Variants in IQGAP2 observed in about 807,000 individuals in gnomAD.
The protein encoded by IQGAP2 is IQ motif containing GTPase activating protein 2, also known as ras GTPase-activating-like protein IQGAP2.
Under a neutral mutation model 201.3 loss-of-function variants are expected in IQGAP2, and 173 were observed. That is an observed-to-expected ratio of 0.86 (90% CI 0.76 to 0.98). IQGAP2 has a LOEUF of 0.98. Among genes scored for constraint, IQGAP2 ranks in the 50% least tolerant of loss-of-function variants. The pLI, the probability that IQGAP2 is intolerant of heterozygous loss-of-function variation, is 0.00. For synonymous variants in IQGAP2, 675 were observed against 673.9 expected (o/e 1.00, Z -0.03); for missense variants, 1,687 against 1,864.8 (o/e 0.90, Z 1.76).
chr5:76,567,407 C>T (rs186711763), intron 3 of IQGAP2, among the ~76,000 whole-genome samples: 112 of 152,306 alleles, frequency 7.4e-4, no homozygotes, highest in Admixed American at 1.2e-3. Flanking sequence ...ACTCGAAACG[C>T]TTCTAATGCC....
chr5:76,640,891 G>A (rs1172147561), intron 16 of IQGAP2, 42 bp from the exon 17 acceptor site: 2 of 1,410,232 alleles, frequency 1.4e-6, no homozygotes, highest in South Asian at 1.4e-5. Context: ...GTGCCTTTCA[G>A]CTGATGTGTG....
At chr5:76,645,264 G>A (rs1751945157) in intron 17 of IQGAP2, among the ~76,000 whole-genome samples, 1 of 152,038 alleles carries the variant, frequency 6.6e-6, no homozygotes, top group Non-Finnish European at 1.5e-5. Flanking sequence ...GGGCATTTGA[G>A]TTGGTTCCAA....
At chr5:76,551,274 C>T (rs1299612790) in intron 2 of IQGAP2, among the ~76,000 whole-genome samples, 3 of 149,730 alleles carry the variant, frequency 2.0e-5, no homozygotes, top group South Asian at 2.1e-4. Context: ...GGGGCAGAGG[C>T]GCTCCCCACA....
chr5:76,690,902 T>C (rs1561597783), intron 30 of IQGAP2, among the ~76,000 whole-genome samples: 2 of 152,356 alleles, frequency 1.3e-5, no homozygotes, highest in African/African-American at 2.4e-5. Flanking sequence ...TTAACGACCA[T>C]GTGAGTGCTT....
At position 76,590,260 on chromosome 5, in the gene IQGAP2, C is replaced by T. The variant is rs532656431; in HGVS notation, c.641-148C>T. The T allele has an allele frequency of 9.4e-6, 6 of 636,404 alleles. No individual in the cohort carries two copies. The East Asian group carries it at 1.6e-4, about 17-fold the overall frequency. The allele number at this position is 636,404 out of a possible 1,614,324, so 39.4% of individuals were successfully genotyped here. A position where few individuals can be genotyped will look rare whatever the true frequency, so the allele number is the denominator to read the frequency against. ...CATGTGGAGAGGTTGTCAGGTGCTC[C>T]ATAATATGTCTCAGTTCTCTTTTTG... On this transcript the variant is annotated intron_variant, in intron 7 of 35. Transcript: ENST00000274364.
chr5:76,431,382 T>C (rs766560400), intron 1 of IQGAP2, among the ~76,000 whole-genome samples: 38 of 152,180 alleles, frequency 2.5e-4, no homozygotes, highest in Non-Finnish European at 4.4e-4. Flanking sequence ...TTGGTAAACA[T>C]TTTTCTTCCT....
intron 22 of IQGAP2, 49 bp from the exon 23 acceptor site, chr5:76,668,630 CTT>C: frequency 7.0e-7 from 1 of 1,438,566 alleles, no homozygotes; most frequent in Admixed American, 1.9e-5. Context: ...AATATATTAA[CTT>C]ATTGTTTTGT....
intron 1 of IQGAP2, among the ~76,000 whole-genome samples, chr5:76,420,340 G>A (rs931602249): frequency 1.7e-4 from 25 of 146,430 alleles, no homozygotes; most frequent in Non-Finnish European, 3.0e-4. Context: ...CATTCACATT[G>A]TTGTATAACC....
intron 1 of IQGAP2, among the ~76,000 whole-genome samples, chr5:76,435,552 T>C (rs975757465): frequency 8.5e-5 from 13 of 152,204 alleles, no homozygotes; most frequent in African/African-American, 3.1e-4. Flanking sequence ...GTGTATCTAC[T>C]TTTATACCAG....
intron 1 of IQGAP2, among the ~76,000 whole-genome samples, chr5:76,425,203 T>A (rs1751928595): frequency 6.6e-6 from 1 of 152,216 alleles, no homozygotes; most frequent in Non-Finnish European, 1.5e-5. Flanking sequence ...GTTGGGGGGC[T>A]GCCCTCTCTA....
At chr5:76,483,206 G>A (rs975753669) in intron 2 of IQGAP2, among the ~76,000 whole-genome samples, 1 of 152,300 alleles carries the variant, frequency 6.6e-6, no homozygotes, top group Non-Finnish European at 1.5e-5. Context: ...AATAGAGGTG[G>A]AGTAGGTTTA....
At chr5:76,501,911 G>A (rs187571624) in intron 2 of IQGAP2, among the ~76,000 whole-genome samples, 1 of 152,076 alleles carries the variant, frequency 6.6e-6, no homozygotes, top group Admixed American at 6.5e-5. Flanking sequence ...CCAAAGTGCT[G>A]GTATTACAGG....
At chr5:76,466,243 A>G (rs1367838224) in intron 2 of IQGAP2, among the ~76,000 whole-genome samples, 1 of 152,178 alleles carries the variant, frequency 6.6e-6, no homozygotes, top group African/African-American at 2.4e-5. Context: ...CTGGAGGCTG[A>G]GGCGTGAAGA....
At chr5:76,571,098 T>TA (rs200735086) in intron 4 of IQGAP2, among the ~76,000 whole-genome samples, 2,411 of 132,640 alleles carry the variant, frequency 0.018, 36 homozygotes, top group African/African-American at 0.042. Flanking sequence ...CTGTCTCTAT[T>TA]AAAAAAAAAA....
At chr5:76,624,207 T>C (rs1468748890) in intron 13 of IQGAP2, 1 of 152,208 alleles carries the variant, frequency 6.6e-6, no homozygotes, top group African/African-American at 2.4e-5. Context: ...TACATTCACA[T>C]TGTTGTACAA....
chr5:76,621,237 AC>A (rs1358806292), intron 13 of IQGAP2, among the ~76,000 whole-genome samples: 1 of 152,120 alleles, frequency 6.6e-6, no homozygotes, highest in East Asian at 1.9e-4. Flanking sequence ...CTCCACGTAA[AC>A]CTGAGATTGC....
At chr5:76,454,431 T>TC (rs1753949959) in intron 1 of IQGAP2, among the ~76,000 whole-genome samples, 1 of 144,298 alleles carries the variant, frequency 6.9e-6, no homozygotes, top group Non-Finnish European at 1.5e-5. Flanking sequence ...CCTAATGCTA[T>TC]CCCTCTCCCC....
At chr5:76,669,957 G>A (rs1276620945) in intron 23 of IQGAP2, among the ~76,000 whole-genome samples, 3 of 152,096 alleles carry the variant, frequency 2.0e-5, no homozygotes, top group African/African-American at 7.2e-5. Flanking sequence ...TGAGTAGCTG[G>A]GACTACAGGT....
intron 1 of IQGAP2, among the ~76,000 whole-genome samples, chr5:76,408,417 G>A (rs935748716): frequency 1.3e-5 from 2 of 152,168 alleles, no homozygotes; most frequent in African/African-American, 4.8e-5. Context: ...CAAAGAAGCT[G>A]AAACCCCTAG....
Sources: allele counts gnomAD v4.1 joint callset (sites outside exome capture counted in the v4.1 genomes callset), GRCh38; gene constraint gnomAD v4.1.1; transcripts MANE v1.5; gene names NCBI Gene and HGNC (gene_info 2026-07-23, HGNC 2026-07-21).